The following MACROD2 variants were observed in gnomAD, a reference collection of about 807,000 sequenced individuals.
The protein encoded by MACROD2 is mono-ADP ribosylhydrolase 2.
Under a neutral mutation model 70.4 loss-of-function variants are expected in MACROD2, and 36 were observed. The ratio of observed to expected loss-of-function variants is 0.51; its 90% confidence interval spans 0.39 to 0.68. The LOEUF is 0.68. Among genes scored for constraint, MACROD2 ranks in the 30% least tolerant of loss-of-function variants. The probability of loss-of-function intolerance (pLI) is 0.00; values close to 1 mark genes in which losing one functional copy is unlikely to be tolerated. For missense variants in MACROD2, 496 were observed against 538.4 expected (o/e 0.92, Z 0.78); for synonymous variants, 172 against 178.8 (o/e 0.96, Z 0.30).
intron 8 of MACROD2, among the ~76,000 whole-genome samples, chr20:15,745,244 A>C (rs954538194): frequency 6.6e-6 from 1 of 152,186 alleles, no homozygotes; most frequent in Non-Finnish European, 1.5e-5. Flanking sequence ...TTTATATCGG[A>C]CACATACACA....
intron 3 of MACROD2, among the ~76,000 whole-genome samples, chr20:14,274,050 G>A (rs1475368715): frequency 2.0e-5 from 3 of 152,108 alleles, no homozygotes; most frequent in Non-Finnish European, 2.9e-5. Flanking sequence ...ATTCACAGCC[G>A]AATTCTACCA....
At chr20:14,861,722 A>G (rs892718231) in intron 5 of MACROD2, among the ~76,000 whole-genome samples, 1 of 151,302 alleles carries the variant, frequency 6.6e-6, no homozygotes, top group Non-Finnish European at 1.5e-5. Flanking sequence ...TTTCTCATTA[A>G]GGTAACTCAC....
chr20:16,029,161 G>A (rs1329467611), intron 15 of MACROD2, among the ~76,000 whole-genome samples: 1 of 152,054 alleles, frequency 6.6e-6, no homozygotes, highest in East Asian at 1.9e-4. Context: ...TCAGATTAAG[G>A]TCCCACCCTC....
intron 5 of MACROD2, among the ~76,000 whole-genome samples, chr20:14,761,933 T>C (rs2072021078): frequency 2.6e-5 from 4 of 152,168 alleles, no homozygotes; most frequent in Non-Finnish European, 4.4e-5. Context: ...AGTAAATTGC[T>C]GCAATCTGAA....
intron 5 of MACROD2, among the ~76,000 whole-genome samples, chr20:14,997,454 C>T (rs1441179968): frequency 1.6e-4 from 24 of 152,162 alleles, no homozygotes; most frequent in Non-Finnish European, 5.9e-5. Context: ...CAGTTCTGTG[C>T]TGGCTTCAGG....
intron 5 of MACROD2, among the ~76,000 whole-genome samples, chr20:14,952,150 C>T (rs563218541): frequency 6.6e-6 from 1 of 152,184 alleles, no homozygotes; most frequent in South Asian, 2.1e-4. Context: ...CTAATTCTAA[C>T]TAATTGTGCA....
intron 5 of MACROD2, among the ~76,000 whole-genome samples, chr20:14,725,427 G>T (rs1451160853): frequency 6.6e-6 from 1 of 152,134 alleles, no homozygotes; most frequent in South Asian, 2.1e-4. Flanking sequence ...AGACATCAGG[G>T]AGAAGAGAAA....
chr20:14,184,218 T>A (rs2081326889), intron 3 of MACROD2, among the ~76,000 whole-genome samples: 1 of 152,046 alleles, frequency 6.6e-6, no homozygotes, highest in Non-Finnish European at 1.5e-5. Flanking sequence ...GTGGTGTAAG[T>A]AAGGGGTCTA....
chr20:14,254,602 C>T (rs1190770084), intron 3 of MACROD2, among the ~76,000 whole-genome samples: 4 of 151,714 alleles, frequency 2.6e-5, no homozygotes, highest in African/African-American at 9.7e-5. Flanking sequence ...GCTAGTTTTC[C>T]CTACGAAATA....
intron 3 of MACROD2, among the ~76,000 whole-genome samples, chr20:14,343,467 G>A (rs1038360277): frequency 5.9e-5 from 9 of 152,132 alleles, no homozygotes; most frequent in African/African-American, 1.9e-4. Flanking sequence ...TACTAAATCC[G>A]AGAAAGCACA....
chr20:15,556,496 T>G (rs1396470432), intron 8 of MACROD2, among the ~76,000 whole-genome samples: 1 of 152,216 alleles, frequency 6.6e-6, no homozygotes, highest in Non-Finnish European at 1.5e-5. Flanking sequence ...ATATACTACT[T>G]TCTAAAATAG....
At chr20:15,408,005 G>C (rs2046027524) in intron 6 of MACROD2, among the ~76,000 whole-genome samples, 2 of 152,166 alleles carry the variant, frequency 1.3e-5, no homozygotes, top group Non-Finnish European at 2.9e-5. Context: ...ATCAGCTTCA[G>C]GACAGTCCTA....
At chr20:15,935,278 G>T (rs1354532607) in intron 11 of MACROD2, among the ~76,000 whole-genome samples, 1 of 152,108 alleles carries the variant, frequency 6.6e-6, no homozygotes, top group Admixed American at 6.5e-5. Flanking sequence ...TGTGAAGAAG[G>T]GTCCTAAATG....
chr20:15,150,567 G>A (rs540885735), intron 5 of MACROD2, among the ~76,000 whole-genome samples: 1 of 152,102 alleles, frequency 6.6e-6, no homozygotes, highest in Admixed American at 6.5e-5. Flanking sequence ...CTGTGGGATG[G>A]GGTATTGGCA....
intron 4 of MACROD2, among the ~76,000 whole-genome samples, chr20:14,621,389 A>G (rs1190399929): frequency 6.6e-6 from 1 of 152,110 alleles, no homozygotes; most frequent in Non-Finnish European, 1.5e-5. Context: ...TAGGGTAATC[A>G]TCATTATGAA....
intron 8 of MACROD2, among the ~76,000 whole-genome samples, chr20:15,688,745 C>T (rs2050260226): frequency 6.6e-6 from 1 of 152,128 alleles, no homozygotes; most frequent in African/African-American, 2.4e-5. Flanking sequence ...ATTGCCTTTT[C>T]TTTTTCAGTG....
chr20:15,092,214 A>C (rs890034718), intron 5 of MACROD2, among the ~76,000 whole-genome samples: 7 of 152,160 alleles, frequency 4.6e-5, no homozygotes, highest in East Asian at 3.9e-4. Context: ...ATAAATTAAA[A>C]CTTTTGCTAG....
chr20:15,308,209 T>C (rs1477044833), intron 6 of MACROD2, among the ~76,000 whole-genome samples: 2 of 152,188 alleles, frequency 1.3e-5, no homozygotes, highest in African/African-American at 4.8e-5. Flanking sequence ...AATATCCTGT[T>C]TGTCATCAAA....
intron 10 of MACROD2, among the ~76,000 whole-genome samples, chr20:15,921,564 A>G (rs2065407065): frequency 6.6e-6 from 1 of 152,216 alleles, no homozygotes; most frequent in Admixed American, 6.5e-5. Flanking sequence ...TAGGCTTATC[A>G]GCTCAAATGC....
Sources: gnomAD v4.1 joint callset for allele counts (sites outside exome capture counted in the v4.1 genomes callset) on GRCh38, gnomAD v4.1.1 for gene constraint, MANE v1.5 for transcripts, NCBI Gene and HGNC (gene_info 2026-07-23, HGNC 2026-07-21) for gene names.